The following PPP1R9A variants were observed in gnomAD, a reference collection of about 807,000 sequenced individuals.
The protein encoded by PPP1R9A is protein phosphatase 1 regulatory subunit 9A.
In PPP1R9A, 59 loss-of-function variants were observed where a neutral mutation model predicts 141.9. The ratio of observed to expected loss-of-function variants is 0.42; its 90% CI spans 0.34 to 0.52. PPP1R9A has a LOEUF of 0.52. Among genes scored for constraint, PPP1R9A ranks in the 20% least tolerant of loss-of-function variants. The pLI is 0.10. For synonymous variants in PPP1R9A, 500 were observed against 569.7 expected (o/e 0.88, Z 1.74); for missense variants, 1,444 against 1,611.9 (o/e 0.90, Z 1.78).
intron 7 of PPP1R9A, among the ~76,000 whole-genome samples, chr7:95,220,135 G>T (rs1794196043): frequency 6.6e-6 from 1 of 152,048 alleles, no homozygotes; most frequent in South Asian, 2.1e-4. Flanking sequence ...GGACACACAG[G>T]AGTCACTGAC....
At chr7:95,080,535 A>G (rs1055504922) in intron 2 of PPP1R9A, among the ~76,000 whole-genome samples, 6 of 152,322 alleles carry the variant, frequency 3.9e-5, no homozygotes, top group South Asian at 4.1e-4. Flanking sequence ...TATAGATTCA[A>G]TGCCATCTCC....
chr7:94,931,701 C>T (rs1023440917), intron 2 of PPP1R9A, among the ~76,000 whole-genome samples: 1 of 152,142 alleles, frequency 6.6e-6, no homozygotes, highest in African/African-American at 2.4e-5. Context: ...GCCTCAGCCT[C>T]CTGAGTAGCT....
At chr7:95,212,209 A>G (rs970268462) in intron 7 of PPP1R9A, among the ~76,000 whole-genome samples, 18 of 152,188 alleles carry the variant, frequency 1.2e-4, no homozygotes, top group African/African-American at 4.1e-4. Context: ...TGCATAAGAT[A>G]TACATCATTT....
At chr7:95,238,289 G>A (rs561861427) in intron 8 of PPP1R9A, among the ~76,000 whole-genome samples, 1 of 152,136 alleles carries the variant, frequency 6.6e-6, no homozygotes, top group African/African-American at 2.4e-5. Flanking sequence ...TATTATCTCT[G>A]GTGCTGCAGC....
chr7:95,144,436 G>C (rs1827243463), intron 4 of PPP1R9A, among the ~76,000 whole-genome samples: 1 of 151,618 alleles, frequency 6.6e-6, no homozygotes, highest in Non-Finnish European at 1.5e-5. Context: ...TTTGGCTATT[G>C]TGTATAATGC....
intron 3 of PPP1R9A, among the ~76,000 whole-genome samples, chr7:95,118,171 T>C (rs1393008771): frequency 6.6e-6 from 1 of 152,220 alleles, no homozygotes; most frequent in Non-Finnish European, 1.5e-5. Context: ...AGCACACATC[T>C]AACCTTCATG....
chr7:95,185,869 C>A (rs1456909780), intron 5 of PPP1R9A, among the ~76,000 whole-genome samples: 1 of 152,084 alleles, frequency 6.6e-6, no homozygotes. Flanking sequence ...GTTCTCTATT[C>A]TGTTCCTTTT....
intron 8 of PPP1R9A, among the ~76,000 whole-genome samples, chr7:95,239,714 C>T (rs1180925771): frequency 6.6e-6 from 1 of 151,304 alleles, no homozygotes; most frequent in African/African-American, 2.4e-5. Flanking sequence ...GGCTTTCACA[C>T]TAAGGCTTGT....
intron 7 of PPP1R9A, among the ~76,000 whole-genome samples, chr7:95,215,386 G>A (rs1322845250): frequency 6.6e-6 from 1 of 152,038 alleles, no homozygotes; most frequent in East Asian, 1.9e-4. Flanking sequence ...GGACATTTGG[G>A]TTGGTTCCAA....
chr7:95,066,117 C>T lies in PPP1R9A; in HGVS notation c.1396-45142C>T, dbSNP rs117882411. Among the ~76,000 whole-genome samples the T allele has an allele frequency of 5.3e-5, 8 of 152,250 alleles. No homozygotes were observed. In the East Asian group the frequency reaches 1.5e-3, roughly 29 times the overall value. On this transcript the variant is annotated intron_variant, in intron 2 of 19. Coordinates refer to ENST00000433360, the MANE Select transcript of PPP1R9A (RefSeq NM_001166160.2). The stretch of plus-strand genomic sequence containing the variant: ...TGGACACGGTGAAGTTAAAATGAGG[C>T]CTTTTGGATTGGCTGTCATACAATC...
chr7:95,108,302 C>CGTTTTT (rs1204011323), intron 2 of PPP1R9A, among the ~76,000 whole-genome samples: 1 of 68,760 alleles, frequency 1.5e-5, no homozygotes, highest in African/African-American at 5.3e-5. Context: ...TTTTTCGTTT[C>CGTTTTT]TTTTCTTTTT....
At chr7:95,288,747 A>G in intron 19 of PPP1R9A, 29 bp downstream of exon 19, 2 of 1,604,510 alleles carry the variant, frequency 1.2e-6, no homozygotes, top group South Asian at 1.1e-5. Context: ...GTCTTAGGTT[A>G]CCAGGTATAA....
intron 17 of PPP1R9A, among the ~76,000 whole-genome samples, chr7:95,284,856 A>G (rs1585637569): frequency 6.6e-6 from 1 of 152,340 alleles, no homozygotes; most frequent in East Asian, 1.9e-4. Context: ...AACCTTATCT[A>G]ACATTTTATT....
intron 5 of PPP1R9A, among the ~76,000 whole-genome samples, chr7:95,193,485 A>T (rs1835809206): frequency 2.0e-5 from 3 of 152,140 alleles, no homozygotes; most frequent in African/African-American, 7.2e-5. Flanking sequence ...TGCCTTCATG[A>T]TTTAAAATGC....
At chr7:95,134,238 T>C (rs904953524) in intron 4 of PPP1R9A, among the ~76,000 whole-genome samples, 2 of 151,982 alleles carry the variant, frequency 1.3e-5, no homozygotes, top group Admixed American at 6.6e-5. Context: ...AAACACCACA[T>C]GTTCTCACTT....
At chr7:95,155,173 TTTTC>T (rs1187699503) in intron 4 of PPP1R9A, 1 of 131,456 alleles carries the variant, frequency 7.6e-6, no homozygotes, top group East Asian at 2.4e-4. Flanking sequence ...ATTGCCTTTT[TTTTC>T]TTTTTTTCTT....
At chr7:95,022,068 G>A (rs1330574734) in intron 2 of PPP1R9A, among the ~76,000 whole-genome samples, 1 of 152,176 alleles carries the variant, frequency 6.6e-6, no homozygotes, top group Admixed American at 6.5e-5. Context: ...GGGCAGTATG[G>A]CCATTTTCAC....
At chr7:94,917,001 GAC>G (rs1792155306) in intron 2 of PPP1R9A, among the ~76,000 whole-genome samples, 1 of 152,040 alleles carries the variant, frequency 6.6e-6, no homozygotes, top group African/African-American at 2.4e-5. Flanking sequence ...TTTTAGTAGA[GAC>G]AGGGTTTTTA....
chr7:95,056,966 G>A (rs1343728009), intron 2 of PPP1R9A, among the ~76,000 whole-genome samples: 3 of 152,060 alleles, frequency 2.0e-5, no homozygotes. Context: ...TATAAGAATA[G>A]ATTAAGTTAT....
Sources: gnomAD v4.1 joint callset for allele counts (sites outside exome capture counted in the v4.1 genomes callset) on GRCh38, gnomAD v4.1.1 for gene constraint, MANE v1.5 for transcripts, NCBI Gene and HGNC (gene_info 2026-07-23, HGNC 2026-07-21) for gene names.